NEO1: variants seen among roughly 807,000 people sequenced by gnomAD.
The protein encoded by NEO1 is neogenin.
NEO1 carries 63 observed loss-of-function variants against 159.7 expected under a neutral mutation model. The observed-to-expected ratio is 0.39, with a 90% CI of 0.32 to 0.49. NEO1 has a LOEUF of 0.49. Ranked by LOEUF, NEO1 falls within the 20% of genes least tolerant of loss-of-function variation. NEO1 has a pLI of 0.85. For synonymous variants in NEO1, 633 were observed against 662.0 expected (o/e 0.96, Z 0.67); for missense variants, 1,615 against 1,831.0 (o/e 0.88, Z 2.15).
rs10623334 is a variant in NEO1 at position 73,257,132 on chromosome 15, CA to C, written c.2093-1613del. Among the ~76,000 whole-genome samples the C allele has an allele frequency of 6.2e-4, 34 of 54,774 alleles. 1 individual carries two copies. The highest frequency in any genetic ancestry group is 1.6e-3 in the South Asian group (1 of 630). The allele number at this position is 54,774 out of a possible 152,430, so 35.9% of individuals were successfully genotyped here. On this transcript the variant is annotated intron_variant, in intron 13 of 28. Transcript: ENST00000261908. ...GGGCAACAGAGAGAGACTCTGTCTCCAAAAAAAAAAAAAAAAAAAAAGTTTC... is the reference window on the plus strand; with the variant it reads ...GGGCAACAGAGAGAGACTCTGTCTCCAAAAAAAAAAAAAAAAAAAAGTTTC...
rs1282606568 is a variant in NEO1, at chr15:73,260,182, G to C, written c.2204-89G>C. The C allele has an allele frequency of 1.3e-5, 16 of 1,229,820 alleles. No individual in the cohort carries two copies. The South Asian group carries it at 1.3e-4, about 10-fold the overall frequency. The allele number at this position is 1,229,820 out of a possible 1,614,324, so 76.2% of individuals were successfully genotyped here. On this transcript the variant is annotated intron_variant, in intron 14 of 28. Coordinates refer to ENST00000261908, the MANE Select transcript of NEO1 (RefSeq NM_002499.4). ...TAAAAAACTTAGCCCCAAACAGTGTGGTAGGAAGCTAAACACCATTCCCCA... is the reference window on the plus strand; with the variant it reads ...TAAAAAACTTAGCCCCAAACAGTGTCGTAGGAAGCTAAACACCATTCCCCA...
chr15:73,211,248 A>C lies in NEO1; in HGVS notation c.1292-25099A>C, dbSNP rs1244375452. On this transcript the variant is annotated intron_variant, in intron 7 of 28. Coordinates refer to ENST00000261908, the MANE Select transcript of NEO1 (RefSeq NM_002499.4). ...TGTTTGTAGACATTTGAAAACATGC[A>C]GAACCATGATCCCTAAGACTAAGGA... 4.6e-5 allele frequency among the ~76,000 whole-genome samples: 7 copies of C among 152,352 alleles called. No homozygotes were observed. In the South Asian group the frequency reaches 1.0e-3, roughly 23 times the overall value.
At chr15:73,255,484 G>T (rs1406946541) in intron 13 of NEO1, 2 of 152,276 alleles carry the variant, frequency 1.3e-5, no homozygotes, top group South Asian at 2.1e-4. Flanking sequence ...CTAAGCAAGG[G>T]GAAGGTTCTT....
rs540590053 is a variant in NEO1 at position 73,280,930 on chromosome 15, G to C, written c.3263-2034G>C. ...GGATTAGAACATAAATTTGGGCCGGGCGCAGTGGCTCATGCCTGTAATCCC... is the reference window on the plus strand; with the variant it reads ...GGATTAGAACATAAATTTGGGCCGGCCGCAGTGGCTCATGCCTGTAATCCC... On this transcript the variant is annotated intron_variant, in intron 22 of 28. Transcript: ENST00000261908. Among the ~76,000 whole-genome samples the C allele has an allele frequency of 1.3e-3, 191 of 152,066 alleles. 1 individual carries two copies. Among genetic ancestry groups the C allele is most frequent in the African/African-American group, 4.4e-3 (184 of 41,520 alleles).
intron 5 of NEO1, among the ~76,000 whole-genome samples, chr15:73,170,473 G>A (rs192773102): frequency 1.2e-4 from 18 of 152,280 alleles, no homozygotes; most frequent in Admixed American, 8.5e-4. Flanking sequence ...TCAGAGCAAT[G>A]ACCATAAACT....
chr15:73,173,961 G>A (rs1043018543), intron 5 of NEO1, among the ~76,000 whole-genome samples: 3 of 151,960 alleles, frequency 2.0e-5, no homozygotes, highest in African/African-American at 7.3e-5. Context: ...TTAGCCGGAC[G>A]TGGTGGTGCA....
intron 4 of NEO1, among the ~76,000 whole-genome samples, chr15:73,130,748 A>G (rs1410785874): frequency 6.6e-6 from 1 of 152,222 alleles, no homozygotes; most frequent in Non-Finnish European, 1.5e-5. Flanking sequence ...CACCCCATCC[A>G]GCCATAAGAG....
At chr15:73,253,652 T>C (rs1340352394) in intron 12 of NEO1, among the ~76,000 whole-genome samples, 1 of 152,194 alleles carries the variant, frequency 6.6e-6, no homozygotes, top group African/African-American at 2.4e-5. Flanking sequence ...GACATAGATA[T>C]TACACTTGCA....
chr15:73,272,755 G>C (rs1224674738), intron 19 of NEO1, among the ~76,000 whole-genome samples, 193 bp downstream of exon 19: 3 of 152,046 alleles, frequency 2.0e-5, no homozygotes, highest in Non-Finnish European at 4.4e-5. Context: ...GCATAAAATG[G>C]GTTGCCTGTT....
chr15:73,198,773 C>T (rs1022837315), intron 7 of NEO1, among the ~76,000 whole-genome samples: 2 of 151,872 alleles, frequency 1.3e-5, no homozygotes, highest in African/African-American at 4.8e-5. Context: ...CACTAATTTC[C>T]TCTTTTTTCT....
chr15:73,175,432 G>C (rs2151948227), intron 5 of NEO1, among the ~76,000 whole-genome samples: 1 of 152,306 alleles, frequency 6.6e-6, no homozygotes, highest in Non-Finnish European at 1.5e-5. Flanking sequence ...AAAGAAATCA[G>C]ACTTAAATAG....
chr15:73,139,349 G>A (rs1359507190), intron 5 of NEO1, among the ~76,000 whole-genome samples: 1 of 152,038 alleles, frequency 6.6e-6, no homozygotes, highest in South Asian at 2.1e-4. Flanking sequence ...GAACTGAGAC[G>A]CTCCTGCCAG....
At chr15:73,090,633 A>T (rs1312927869) in intron 1 of NEO1, among the ~76,000 whole-genome samples, 1 of 152,198 alleles carries the variant, frequency 6.6e-6, no homozygotes, top group East Asian at 1.9e-4. Context: ...TTCTTAACAT[A>T]AAATTATAAG....
At chr15:73,178,995 T>G (rs1027863491) in intron 7 of NEO1, among the ~76,000 whole-genome samples, 4 of 152,162 alleles carry the variant, frequency 2.6e-5, no homozygotes, top group African/African-American at 9.6e-5. Context: ...TATTTTGCAT[T>G]GAAATTTTTA....
At chr15:73,278,104 T>C in intron 21 of NEO1, 27 bp from the exon 22 acceptor site, 2 of 1,600,996 alleles carry the variant, frequency 1.2e-6, no homozygotes, top group Non-Finnish European at 1.7e-6. Context: ...TGTGGGGTCA[T>C]TATTGACATG....
rs188714423 is a variant in NEO1 at position 73,294,552 on chromosome 15, G to A, written c.3901+1004G>A. On this transcript the variant is annotated intron_variant, in intron 26 of 28. Coordinates refer to ENST00000261908, the MANE Select transcript of NEO1 (RefSeq NM_002499.4). ...TTGTTTTTCTTTGGTTTCTTTGTTT[G>A]TTTTTGAGACAGAGCCTCAGTCTGT... Among the ~76,000 whole-genome samples the A allele has an allele frequency of 1.8e-4, 28 of 152,100 alleles. No homozygotes were observed. In the East Asian group the frequency reaches 5.3e-3, roughly 29 times the overall value.
At chr15:73,066,035 C>CG (rs2068197669) in intron 1 of NEO1, among the ~76,000 whole-genome samples, 1 of 139,766 alleles carries the variant, frequency 7.2e-6, no homozygotes, top group Non-Finnish European at 1.6e-5. Flanking sequence ...TCTTTCTTTT[C>CG]TTTTTTTTTT....
rs1205956828 is a variant in NEO1 at position 73,304,896 on chromosome 15, G to A, written c.*2200G>A. On this transcript the variant is annotated 3_prime_UTR_variant, in exon 29 of 29. Coordinates refer to ENST00000261908, the MANE Select transcript of NEO1 (RefSeq NM_002499.4). ...AATTAAGAAAAAGGAAAGCTATTCT[G>A]TATTGCACCTTTTCACAATTTAATA... The A allele has an allele frequency of 6.6e-6, 1 of 152,150 alleles. No homozygotes were observed. Among genetic ancestry groups the A allele is most frequent in the Admixed American group, 6.5e-5 (1 of 15,278 alleles). 9.4% of individuals were successfully genotyped at this position (152,150 alleles called of 1,614,324 possible).
At chr15:73,099,967 T>G (rs761387935) in intron 1 of NEO1, among the ~76,000 whole-genome samples, 1 of 152,234 alleles carries the variant, frequency 6.6e-6, no homozygotes, top group Non-Finnish European at 1.5e-5. Context: ...ATTTGTATAC[T>G]TACTGTTCAC....
Sources: gnomAD v4.1 joint callset for allele counts (sites outside exome capture counted in the v4.1 genomes callset) on GRCh38, gnomAD v4.1.1 for gene constraint, MANE v1.5 for transcripts, NCBI Gene and HGNC (gene_info 2026-07-23, HGNC 2026-07-21) for gene names.